Variants in POU2F3 observed in about 807,000 individuals in gnomAD.
The protein encoded by POU2F3 is POU class 2 homeobox 3.
A neutral mutation model predicts 59.2 loss-of-function variants in POU2F3; 23 were observed. That is an observed-to-expected ratio of 0.39 (90% CI 0.28 to 0.55). The LOEUF (loss-of-function observed/expected upper bound fraction) is 0.55. Among genes scored for constraint, POU2F3 ranks in the 20% least tolerant of loss-of-function variants. The pLI is 0.66. For synonymous variants in POU2F3, 190 were observed against 214.6 expected, an observed-to-expected ratio of 0.89 and a Z score of 1.00; for missense variants, 473 against 544.5, an observed-to-expected ratio of 0.87 and a Z score of 1.31.
At chr11:120,236,795 C>T (rs773891791), upstream of POU2F3, 7 of 1,291,680 alleles carry the variant, frequency 5.4e-6, no homozygotes, top group Admixed American at 2.0e-5. Flanking sequence ...AAAGATTGCT[C>T]ACCATTCCCC....
intron 2 of POU2F3, among the ~76,000 whole-genome samples, chr11:120,264,792 C>A (rs2847495): frequency 0.38 from 58,161 of 152,036 alleles, 13,912 homozygotes; most frequent in East Asian, 1. Context: ...CCTCTGACTT[C>A]CAGTCCAGGA....
At chr11:120,302,252 T>A in intron 5 of POU2F3, 34 bp from the exon 6 acceptor site, 1 of 1,530,026 alleles carries the variant, frequency 6.5e-7, no homozygotes, top group Non-Finnish European at 9.0e-7. Flanking sequence ...TGGATTTTAT[T>A]TGTCTGTTCC....
intron 3 of POU2F3, among the ~76,000 whole-genome samples, chr11:120,278,167 T>G (rs1940412388): frequency 6.6e-6 from 1 of 152,228 alleles, no homozygotes; most frequent in African/African-American, 2.4e-5. Flanking sequence ...TTTGGGCTTA[T>G]ATGATTATAG....
intron 3 of POU2F3, among the ~76,000 whole-genome samples, chr11:120,293,841 C>T (rs573996659): frequency 7.9e-5 from 12 of 152,264 alleles, no homozygotes; most frequent in Non-Finnish European, 1.3e-4. Context: ...TTTTCCGTCA[C>T]CGATGGTCTA....
chr11:120,265,472 C>G (rs1046657850), intron 2 of POU2F3: 2 of 152,254 alleles, frequency 1.3e-5, no homozygotes, highest in African/African-American at 4.8e-5. Flanking sequence ...GATACCACAG[C>G]AGATAAGAAT....
intron 2 of POU2F3, among the ~76,000 whole-genome samples, chr11:120,251,332 GCA>G (rs1447304067): frequency 6.6e-6 from 1 of 152,096 alleles, no homozygotes; most frequent in Non-Finnish European, 1.5e-5. Context: ...ACACACACAC[GCA>G]CACACACTCT....
chr11:120,285,567 G>A lies in POU2F3; in HGVS notation c.133-12698G>A, dbSNP rs1047154685. On this transcript the variant is annotated intron_variant, in intron 3 of 12. Coordinates refer to ENST00000543440, the MANE Select transcript of POU2F3 (RefSeq NM_014352.4). The surrounding 1 kb of genome is among the most constrained non-coding windows in gnomAD (Gnocchi z 4.3). Reference sequence around the variant, plus strand: ...TATACTTAATACATGAATACTTTCCGGTTATAAAAAAATTTCATAATAAAG... The same window carrying A: ...TATACTTAATACATGAATACTTTCCAGTTATAAAAAAATTTCATAATAAAG... Among the ~76,000 whole-genome samples, 5 of 152,090 alleles carry A rather than the reference G, an allele frequency of 3.3e-5. No individual in the cohort carries two copies. The highest frequency in any genetic ancestry group is 4.2e-4 in the South Asian group (2 of 4,816).
intron 2 of POU2F3, among the ~76,000 whole-genome samples, chr11:120,264,903 G>T (rs1939764412): frequency 6.6e-6 from 1 of 152,200 alleles, no homozygotes; most frequent in South Asian, 2.1e-4. Context: ...TATAATCATT[G>T]CATCTCTTCC....
At chr11:120,299,866 C>G in intron 5 of POU2F3, 140 bp downstream of exon 5, 1 of 653,906 alleles carries the variant, frequency 1.5e-6, no homozygotes, top group South Asian at 2.0e-5. Flanking sequence ...TACTTATCCA[C>G]CCCAGGGTCT....
At chr11:120,290,499 C>T (rs1940982235) in intron 3 of POU2F3, among the ~76,000 whole-genome samples, 1 of 152,154 alleles carries the variant, frequency 6.6e-6, no homozygotes, top group African/African-American at 2.4e-5. Flanking sequence ...GCAGGTGCCT[C>T]ACAGCATGGT....
rs567807229 is a variant in POU2F3, at chr11:120,252,628, C to G, written c.97+6111C>G. ...GACTGTGGCTCCATGTGCCAGAGAT[C>G]GCAGAACAGCCTGTGGTGCCAGGAT... On this transcript the variant is annotated intron_variant, in intron 2 of 12. Transcript: ENST00000543440. Among the ~76,000 whole-genome samples, 9 of 152,300 alleles carry G rather than the reference C, an allele frequency of 5.9e-5. No homozygotes were observed. The South Asian group carries it at 8.3e-4, about 14-fold the overall frequency.
intron 11 of POU2F3, among the ~76,000 whole-genome samples, chr11:120,316,539 C>T (rs1238731708): frequency 1.3e-5 from 2 of 152,258 alleles, no homozygotes; most frequent in Non-Finnish European, 2.9e-5. Flanking sequence ...GATCCTCCCA[C>T]CTCAGCCTCC....
chr11:120,269,325 G>A, intron 3 of POU2F3, 81 bp downstream of exon 3: 11 of 1,219,376 alleles, frequency 9.0e-6, no homozygotes, highest in Non-Finnish European at 1.2e-5. Context: ...AGGAAGACAA[G>A]ATTAAGTACA....
chr11:120,284,899 T>C (rs1207142362), intron 3 of POU2F3, among the ~76,000 whole-genome samples: 1 of 152,220 alleles, frequency 6.6e-6, no homozygotes, highest in Admixed American at 6.5e-5. Context: ...CACAAGGCTG[T>C]CTTCCTCCTT....
chr11:120,272,349 C>T (rs1350336393), intron 3 of POU2F3, among the ~76,000 whole-genome samples: 1 of 152,196 alleles, frequency 6.6e-6, no homozygotes. Flanking sequence ...GGCCTTGCTG[C>T]ACCTGCCCTG....
At chr11:120,276,846 A>AGACCTGAAAGCACCCTCCT (rs1452787120) in intron 3 of POU2F3, among the ~76,000 whole-genome samples, 8 of 152,086 alleles carry the variant, frequency 5.3e-5, no homozygotes, top group African/African-American at 1.7e-4. Context: ...GGCAGAAAAC[A>AGACCTGAAAGCACCCTCCT]GACCTGAAAG....
At chr11:120,273,964 A>G (rs1399138279) in intron 3 of POU2F3, among the ~76,000 whole-genome samples, 5 of 151,742 alleles carry the variant, frequency 3.3e-5, no homozygotes, top group Non-Finnish European at 7.4e-5. Context: ...GTGGCAGTGA[A>G]CTGAGATCAT....
intron 10 of POU2F3, among the ~76,000 whole-genome samples, chr11:120,313,260 G>A (rs776407279): frequency 6.6e-6 from 1 of 152,152 alleles, no homozygotes; most frequent in Non-Finnish European, 1.5e-5. Flanking sequence ...AGCCATGCAG[G>A]GGCCCCATTC....
chr11:120,305,378 C>A, intron 7 of POU2F3, 166 bp downstream of exon 7: 1 of 934,884 alleles, frequency 1.1e-6, no homozygotes, highest in Non-Finnish European at 1.6e-6. Flanking sequence ...GGTAGGGAAA[C>A]TGAGGACGTT....
Sources: gnomAD v4.1 joint callset for allele counts (sites outside exome capture counted in the v4.1 genomes callset) on GRCh38, gnomAD v4.1.1 for gene constraint, Gnocchi (gnomAD v3.1) non-coding constraint, MANE v1.5 for transcripts, NCBI Gene and HGNC (gene_info 2026-07-23, HGNC 2026-07-21) for gene names.